UACA: variants seen among roughly 807,000 people sequenced by gnomAD.
UACA encodes nuclear membrane binding protein.
Under a neutral mutation model 160.5 loss-of-function variants are expected in UACA, and 112 were observed. The observed-to-expected ratio is 0.70, with a 90% CI of 0.60 to 0.82. UACA has a LOEUF of 0.82. Among genes scored for constraint, UACA ranks in the 40% least tolerant of loss-of-function variants. The pLI is 0.00. For synonymous variants in UACA, 557 were observed against 568.4 expected (o/e 0.98, Z 0.29); for missense variants, 1,574 against 1,614.6 (o/e 0.97, Z 0.43).
intron 1 of UACA, among the ~76,000 whole-genome samples, chr15:70,728,332 G>A (rs1367897857): frequency 2.0e-5 from 3 of 152,206 alleles, no homozygotes; most frequent in Admixed American, 6.5e-5. Flanking sequence ...GGGAGGCCAA[G>A]GCAGGCAGAT....
chr15:70,674,813 G>T (rs571294926), intron 13 of UACA, among the ~76,000 whole-genome samples: 1 of 152,284 alleles, frequency 6.6e-6, no homozygotes, highest in East Asian at 1.9e-4. Context: ...GGCCAGGCTG[G>T]TTTCAAACTC....
rs894546851 is a variant in UACA, at chr15:70,655,520, C to T, written c.*1536G>A. On this transcript the variant is annotated 3_prime_UTR_variant, in exon 19 of 19. Coordinates refer to ENST00000322954, the MANE Select transcript of UACA (RefSeq NM_018003.4). ...TGGGATTACAGGCATGAGCCACCAC[C>T]CCCGGCAACTTTTTTAATTTATATT... The T allele has an allele frequency of 1.3e-5, 2 of 152,026 alleles. No homozygotes were observed. Among genetic ancestry groups the T allele is most frequent in the African/African-American group, 4.8e-5 (2 of 41,406 alleles). The allele number at this position is 152,026 out of a possible 1,614,324, so 9.4% of individuals were successfully genotyped here. A position where few individuals can be genotyped will look rare whatever the true frequency, so the allele number is the denominator to read the frequency against.
chr15:70,740,912 G>A (rs541304887), intron 1 of UACA, among the ~76,000 whole-genome samples: 20 of 151,138 alleles, frequency 1.3e-4, no homozygotes, highest in South Asian at 6.3e-4. Flanking sequence ...CGTGGTGGGC[G>A]CCTGTAGCCC....
At chr15:70,707,999 T>C (rs1199232861) in intron 1 of UACA, among the ~76,000 whole-genome samples, 2 of 152,326 alleles carry the variant, frequency 1.3e-5, no homozygotes, top group East Asian at 3.9e-4. Context: ...TTATTTATAA[T>C]AGCCAAGAAG....
chr15:70,750,366 C>G (rs1224391937), intron 1 of UACA, among the ~76,000 whole-genome samples: 1 of 152,138 alleles, frequency 6.6e-6, no homozygotes, highest in Non-Finnish European at 1.5e-5. Flanking sequence ...AGATCTACCC[C>G]CAAACCTCTA....
chr15:70,721,945 G>C (rs1349408770), intron 1 of UACA, among the ~76,000 whole-genome samples: 2 of 152,186 alleles, frequency 1.3e-5, no homozygotes, highest in Non-Finnish European at 2.9e-5. Flanking sequence ...AGATGCAAAA[G>C]AAAGGTGATT....
In UACA at chr15:70,690,493, G is replaced by A. The variant is rs1179110010; in HGVS notation, c.385C>T (p.His129Tyr). The A allele has an allele frequency of 6.2e-7, 1 of 1,612,940 alleles. No individual in the cohort carries two copies. Among genetic ancestry groups the A allele is most frequent in the Non-Finnish European group, 8.5e-7 (1 of 1,179,420 alleles). ...GCAGTTCTTCCCTGCAGGTCTGCAT[G>A]CTCAGTGGGACAATTGTACTGTTAA... is the stretch of plus-strand genomic sequence containing the variant. Reference protein sequence around the residue: ...KLLQYNCPTEHADLQGRTALH... With the variant: ...KLLQYNCPTEYADLQGRTALH... Residue 129 changes from histidine to tyrosine, a missense_variant, in exon 5 of 19, where the codon CAT (histidine) becomes TAT (tyrosine). Coordinates refer to ENST00000322954, the MANE Select transcript of UACA (RefSeq NM_018003.4).
At chr15:70,762,460 G>A (rs759932724) in intron 1 of UACA, among the ~76,000 whole-genome samples, 1 of 152,184 alleles carries the variant, frequency 6.6e-6, no homozygotes, top group African/African-American at 2.4e-5. Context: ...GAATTTTGAT[G>A]ATATCGCCAT....
chr15:70,762,430 G>A (rs1246521852), intron 1 of UACA, among the ~76,000 whole-genome samples: 1 of 152,162 alleles, frequency 6.6e-6, no homozygotes, highest in African/African-American at 2.4e-5. Context: ...TTTGTAAGTG[G>A]CACTTATTTT....
At chr15:70,698,635 T>C (rs2140964490) in intron 2 of UACA, among the ~76,000 whole-genome samples, 1 of 152,350 alleles carries the variant, frequency 6.6e-6, no homozygotes, top group Admixed American at 6.5e-5. Context: ...ACACATTAAC[T>C]ATTCACTTCC....
intron 9 of UACA, among the ~76,000 whole-genome samples, chr15:70,680,712 C>T (rs982952200): frequency 9.2e-5 from 14 of 152,156 alleles, no homozygotes; most frequent in South Asian, 2.1e-4. Flanking sequence ...CTAACTCAGA[C>T]ATACTAAATC....
chr15:70,685,727 A>G (rs1897689298), intron 7 of UACA, among the ~76,000 whole-genome samples: 1 of 152,188 alleles, frequency 6.6e-6, no homozygotes, highest in Non-Finnish European at 1.5e-5. Context: ...TATAAAAAAT[A>G]TAAAGCACTG....
the UACA span, among the ~76,000 whole-genome samples, chr15:70,772,091 A>G: frequency 1.3e-5 from 2 of 152,222 alleles, no homozygotes; most frequent in African/African-American, 4.8e-5. Context: ...ATAAACGACC[A>G]AAGGGGAAAG....
chr15:70,709,884 C>T (rs1898630443), intron 1 of UACA, among the ~76,000 whole-genome samples: 1 of 152,062 alleles, frequency 6.6e-6, no homozygotes, highest in African/African-American at 2.4e-5. Context: ...GATAGCAAAA[C>T]TTTGATAAAA....
chr15:70,704,909 T>C (rs909345304), intron 1 of UACA, among the ~76,000 whole-genome samples: 1 of 152,142 alleles, frequency 6.6e-6, no homozygotes, highest in East Asian at 1.9e-4. Flanking sequence ...AACAAATTTA[T>C]AGATTAAAAA....
chr15:70,740,631 C>T (rs1899501587), intron 1 of UACA, among the ~76,000 whole-genome samples: 3 of 81,938 alleles, frequency 3.7e-5, no homozygotes, highest in African/African-American at 9.8e-5. Flanking sequence ...AAGCAAGACC[C>T]TGTCTCAAAA....
At chr15:70,719,719 T>C (rs1354982872) in intron 1 of UACA, among the ~76,000 whole-genome samples, 1 of 152,070 alleles carries the variant, frequency 6.6e-6, no homozygotes, top group Non-Finnish European at 1.5e-5. Flanking sequence ...TATCCTCCAA[T>C]ACTCCATTCA....
chr15:70,668,989 G>T lies in UACA; in HGVS notation c.1695C>A (p.Asn565Lys), dbSNP rs766372312. 1 of 1,613,634 alleles carries T rather than the reference G, an allele frequency of 6.2e-7. No homozygotes were observed. ...CTATCATCTCATTTTGTTTGATTTG[G>T]TTTCTTAATTTCCCCACTTCTGCTG... The part of the protein sequence containing the change: ...GASAEVGKLR[N>K]QIKQNEMIVE... The change falls in exon 16 of 19, where the codon AAC becomes AAA. Residue 565 changes from asparagine (N) to lysine (K), a missense_variant. By Grantham distance (94) the Asn-to-Lys change is moderately conservative. Coordinates refer to ENST00000322954, the MANE Select transcript of UACA (RefSeq NM_018003.4).
chr15:70,660,228 G>T lies in UACA; in HGVS notation c.4114-12C>A, dbSNP rs772791561. ...TGTCTGTCAGCATCCTAGAAATGTG[G>T]AAAGATGGACAGATGTGACTATCAG... On this transcript the variant is annotated splice_polypyrimidine_tract_variant and intron_variant, in intron 17 of 18. Transcript: ENST00000322954. 6.2e-7 allele frequency: 1 copy of T among 1,612,014 alleles called. No individual in the cohort carries two copies.
Sources: allele counts gnomAD v4.1 joint callset (sites outside exome capture counted in the v4.1 genomes callset), GRCh38; gene constraint gnomAD v4.1.1; transcripts MANE v1.5; gene names NCBI Gene and HGNC (gene_info 2026-07-23, HGNC 2026-07-21).